Variants in ADGRF5 observed in about 807,000 individuals in gnomAD.
The protein encoded by ADGRF5 is adhesion G protein-coupled receptor F5, also known as G-protein coupled receptor 116.
Under a neutral mutation model 132.3 loss-of-function variants are expected in ADGRF5, and 75 were observed. That is an observed-to-expected ratio of 0.57 (90% confidence interval 0.47 to 0.69). The LOEUF is 0.69. Ranked by LOEUF, ADGRF5 falls within the 30% of genes least tolerant of loss-of-function variation. The pLI, the probability that ADGRF5 is intolerant of heterozygous loss-of-function variation, is 0.00. For synonymous variants in ADGRF5, 629 were observed against 597.6 expected, an observed-to-expected ratio of 1.05 and a Z score of -0.77; for missense variants, 1,516 against 1,630.6, an observed-to-expected ratio of 0.93 and a Z score of 1.21.
chr6:46,878,182 G>A lies in ADGRF5; in HGVS notation c.1240+20C>T, dbSNP rs1186265224. ...AGAGGCAAAAACCTATTTGCAAAAG[G>A]GCTTATCTAACATTCTCACCTGGAA... On this transcript the variant is annotated intron_variant, in intron 10 of 20. Transcript: ENST00000283296. The A allele has an allele frequency of 1.3e-6, 2 of 1,545,126 alleles. No homozygotes were observed. The highest frequency in any genetic ancestry group is 1.4e-5 in the African/African-American group (1 of 73,656).
intron 3 of ADGRF5, among the ~76,000 whole-genome samples, chr6:46,891,435 C>T (rs558440673): frequency 5.4e-4 from 83 of 152,302 alleles, no homozygotes; most frequent in African/African-American, 1.8e-3. Context: ...AATGCAGCAA[C>T]GTTTATATCC....
intron 1 of ADGRF5, among the ~76,000 whole-genome samples, chr6:46,952,527 G>A (rs887972414): frequency 2.6e-5 from 4 of 152,314 alleles, no homozygotes; most frequent in South Asian, 2.1e-4. Context: ...ATTCTAAAAG[G>A]CATGGCACAT....
chr6:46,877,489 C>G (rs1224309749), intron 10 of ADGRF5, among the ~76,000 whole-genome samples: 1 of 151,494 alleles, frequency 6.6e-6, no homozygotes, highest in Non-Finnish European at 1.5e-5. Flanking sequence ...AATTTGTGGT[C>G]AAGCAATTTA....
At chr6:46,872,047 T>A (rs146892178) in intron 10 of ADGRF5, 34 bp from the exon 11 acceptor site, 8 of 1,512,302 alleles carry the variant, frequency 5.3e-6, no homozygotes, top group East Asian at 2.3e-5. Flanking sequence ...CCATCCCAGC[T>A]GGCTAACTCT....
At chr6:46,912,459 T>A (rs1776032502) in intron 1 of ADGRF5, among the ~76,000 whole-genome samples, 1 of 151,970 alleles carries the variant, frequency 6.6e-6, no homozygotes. Context: ...CCAGAGTGGC[T>A]GGAACATGAA....
chr6:46,953,665 A>C (rs1308274009), intron 1 of ADGRF5, among the ~76,000 whole-genome samples: 11 of 131,424 alleles, frequency 8.4e-5, no homozygotes, highest in Admixed American at 8.2e-4. Flanking sequence ...ATATATATAT[A>C]TATATATATA....
chr6:46,910,567 T>A (rs1775846243), intron 1 of ADGRF5, among the ~76,000 whole-genome samples: 1 of 152,008 alleles, frequency 6.6e-6, no homozygotes, highest in African/African-American at 2.4e-5. Context: ...AAAGGAAGCT[T>A]AGAAGGATGA....
At chr6:46,908,041 A>T (rs1233010265) in intron 1 of ADGRF5, 1 of 152,204 alleles carries the variant, frequency 6.6e-6, no homozygotes, top group Non-Finnish European at 1.5e-5. Context: ...TAACACACTG[A>T]TGATAGGCAA....
intron 15 of ADGRF5, 111 bp from the exon 16 acceptor site, chr6:46,861,005 T>A: frequency 2.7e-6 from 2 of 754,548 alleles, no homozygotes; most frequent in Non-Finnish European, 4.2e-6. Context: ...CCTTTTTTGC[T>A]CCATTTCCAT....
intron 12 of ADGRF5, 91 bp from the exon 13 acceptor site, chr6:46,867,228 C>G: frequency 1.4e-6 from 1 of 728,334 alleles, no homozygotes. Flanking sequence ...CTTAATTTTC[C>G]CTCTCAAGCT....
chr6:46,859,282 T>C lies in ADGRF5; in HGVS notation c.2621A>G (p.Tyr874Cys), dbSNP rs1346018090. The C allele has an allele frequency of 2.5e-6, 4 of 1,613,820 alleles. No individual in the cohort carries two copies. The highest frequency in any genetic ancestry group is 3.4e-6 in the Non-Finnish European group (4 of 1,179,912). The part of the protein sequence containing the change: ...ETYQQRFVFP[Y>C]FDLWGNVVID... Reference sequence around the variant, plus strand: ...GACCACATTGCCCCAGAGGTCAAAGTATGGGAAAACAAACCTCTGTTGATA... The same window carrying C: ...GACCACATTGCCCCAGAGGTCAAAGCATGGGAAAACAAACCTCTGTTGATA... Residue 874 changes from tyrosine to cysteine, a missense_variant, in exon 17 of 21, where the codon TAC becomes TGC. Coordinates refer to ENST00000283296, the MANE Select transcript of ADGRF5 (RefSeq NM_001098518.2).
At chr6:46,944,954 C>T (rs1270629436) in intron 1 of ADGRF5, among the ~76,000 whole-genome samples, 1 of 152,172 alleles carries the variant, frequency 6.6e-6, no homozygotes, top group African/African-American at 2.4e-5. Flanking sequence ...CATTGTTCCC[C>T]TTCAGACAGG....
At position 46,858,865 on chromosome 6, in the gene ADGRF5, T is replaced by C. The variant is rs1769369637; in HGVS notation, c.3038A>G (p.Asp1013Gly). 6.2e-7 allele frequency: 1 copy of C among 1,613,770 alleles called. No individual in the cohort carries two copies. Among genetic ancestry groups the C allele is most frequent in the African/African-American group, 1.3e-5 (1 of 74,832 alleles). Residue 1013 changes from aspartate (D) to glycine (G), a missense_variant, in exon 17 of 21, where the codon GAT becomes GGT. Transcript: ENST00000283296. Reference protein sequence around the residue: ...DPSSLLGILLDIISYVGVGFS... With the variant: ...DPSSLLGILLGIISYVGVGFS... Reference sequence around the variant, plus strand: ...GCCCACCCCAACATAAGAAATAATATCCAGGAGTATTCCCAGGAGAGAACT... The same window carrying C: ...GCCCACCCCAACATAAGAAATAATACCCAGGAGTATTCCCAGGAGAGAACT...
At chr6:46,867,162 G>C in intron 12 of ADGRF5, 25 bp from the exon 13 acceptor site, 1 of 1,230,964 alleles carries the variant, frequency 8.1e-7, no homozygotes, top group Non-Finnish European at 1.1e-6. Flanking sequence ...GCAAAAATGA[G>C]ATGGAATGGA....
intron 1 of ADGRF5, among the ~76,000 whole-genome samples, chr6:46,913,092 C>T (rs113371474): frequency 4.1e-4 from 63 of 152,292 alleles, no homozygotes; most frequent in Middle Eastern, 3.4e-3. Flanking sequence ...AGTACTCCCA[C>T]CACCAGCTCT....
chr6:46,858,442 T>A lies in ADGRF5; in HGVS notation c.3461A>T (p.Glu1154Val), dbSNP rs1260646261. ...VITLGATQPR[E>V]VYTRKNVCWL... ...ACAGACATTCTTCCTCGTATAGACT[T>A]CCCGGGGCTGGGTGGCTCCCAGCGT... Residue 1154 changes from glutamate to valine, a missense_variant, in exon 17 of 21, where the codon GAA (glutamate) becomes GTA (valine). Physicochemically the swap from Glu to Val is moderately radical, Grantham distance 121. Coordinates refer to ENST00000283296, the MANE Select transcript of ADGRF5 (RefSeq NM_001098518.2). The A allele has an allele frequency of 6.2e-7, 1 of 1,613,838 alleles. No homozygotes were observed. The highest frequency in any genetic ancestry group is 1.1e-5 in the South Asian group (1 of 91,056).
chr6:46,877,249 T>TTCTA (rs1256446390), intron 10 of ADGRF5, among the ~76,000 whole-genome samples: 2 of 32,472 alleles, frequency 6.2e-5, no homozygotes, highest in African/African-American at 3.9e-4. Flanking sequence ...CTTTCTTTCT[T>TTCTA]TCTTTCTTTC....
chr6:46,883,246 TGC>T (rs1772678080), intron 6 of ADGRF5, among the ~76,000 whole-genome samples: 1 of 152,176 alleles, frequency 6.6e-6, no homozygotes, highest in East Asian at 1.9e-4. Context: ...ATAATAGAAA[TGC>T]ACCAACTCAT....
chr6:46,877,249 T>G (rs1267267594), intron 10 of ADGRF5, among the ~76,000 whole-genome samples: 1 of 32,472 alleles, frequency 3.1e-5, no homozygotes, highest in Non-Finnish European at 5.8e-5. Context: ...CTTTCTTTCT[T>G]TCTTTCTTTC....
Sources: gnomAD v4.1 joint callset for allele counts (sites outside exome capture counted in the v4.1 genomes callset) on GRCh38, gnomAD v4.1.1 for gene constraint, MANE v1.5 for transcripts, NCBI Gene and HGNC (gene_info 2026-07-23, HGNC 2026-07-21) for gene names.